Variants in ATL3 observed in about 807,000 individuals in gnomAD.
ATL3 encodes atlastin GTPase 3, also known as atlastin-3.
Under a neutral mutation model 69.5 loss-of-function variants are expected in ATL3, and 49 were observed. The ratio of observed to expected loss-of-function variants is 0.71; its 90% CI spans 0.56 to 0.89. The LOEUF (loss-of-function observed/expected upper bound fraction) is 0.89. ATL3 is among the 40% of genes least tolerant of loss of function. ATL3 has a pLI of 0.00. For missense variants in ATL3, 606 were observed against 645.7 expected (o/e 0.94, Z 0.67); for synonymous variants, 214 against 224.1 (o/e 0.95, Z 0.40).
chr11:63,628,138 T>C lies in ATL3; in HGVS notation c.*1181A>G, dbSNP rs1939179826. On this transcript the variant is annotated 3_prime_UTR_variant, in exon 13 of 13. Coordinates refer to ENST00000398868, the MANE Select transcript of ATL3 (RefSeq NM_015459.5). ...TTACAAGAGTTGTGTAAAACATACA[T>C]ACATATGTAAACCTACAGTGAACCT... The C allele has an allele frequency of 6.6e-6, 1 of 152,148 alleles. No homozygotes were observed. Among genetic ancestry groups the C allele is most frequent in the South Asian group, 2.1e-4 (1 of 4,824 alleles). 9.4% of individuals were successfully genotyped at this position (152,148 alleles called of 1,614,324 possible).
chr11:63,671,654 G>C (rs1047122084), upstream of ATL3: 147 of 1,398,456 alleles, frequency 1.1e-4, no homozygotes, highest in Admixed American at 1.8e-4. Flanking sequence ...GGGGCGCTGA[G>C]TGCTACCGTC....
intron 5 of ATL3, among the ~76,000 whole-genome samples, chr11:63,647,140 C>A (rs1026388643): frequency 6.6e-6 from 1 of 152,154 alleles, no homozygotes; most frequent in Admixed American, 6.5e-5. Context: ...CTTCCATGGC[C>A]ATCTACCGAA....
At chr11:63,671,791 G>A, upstream of ATL3, 1 of 1,145,348 alleles carries the variant, frequency 8.7e-7, no homozygotes, top group Non-Finnish European at 1.1e-6. Context: ...GGCTGTGCGG[G>A]AAGGGGCGGG....
intron 12 of ATL3, among the ~76,000 whole-genome samples, chr11:63,630,771 G>A (rs1342513909): frequency 6.8e-6 from 1 of 147,634 alleles, no homozygotes; most frequent in Non-Finnish European, 1.5e-5. Context: ...ACTCCAGCCT[G>A]GGCAAGAGAG....
At chr11:63,652,900 A>C (rs1020323498) in intron 3 of ATL3, among the ~76,000 whole-genome samples, 2 of 152,208 alleles carry the variant, frequency 1.3e-5, no homozygotes, top group African/African-American at 4.8e-5. Context: ...AAACTAAAAA[A>C]TATTCATCTT....
At chr11:63,669,539 GAAGAAAAAAA>G (rs765131850) in intron 1 of ATL3, among the ~76,000 whole-genome samples, 1 of 150,662 alleles carries the variant, frequency 6.6e-6, no homozygotes, top group Non-Finnish European at 1.5e-5. Flanking sequence ...CTTCTCACCA[GAAGAAAAAAA>G]AAGAAAAGAA....
At chr11:63,649,630 C>G (rs1940006543) in intron 5 of ATL3, among the ~76,000 whole-genome samples, 1 of 151,560 alleles carries the variant, frequency 6.6e-6, no homozygotes, top group African/African-American at 2.4e-5. Flanking sequence ...CTCCCAGGTT[C>G]AAGTGATTCT....
At position 63,671,291 on chromosome 11, in the gene ATL3, T is replaced by C; in HGVS notation, c.45A>G (p.Ala15=). ...ATCCAGGGAAAATCGGCGCCTCACC[T>C]GCTCCTCTTGAGGCAGCTGCTGCCA... The part of the protein sequence containing the change: ...QRVAAAASRG[A]DDAMESSKPG... Residue 15 remains alanine, a splice_region_variant and synonymous_variant, in exon 1 of 13, where the codon GCA becomes GCG. Transcript: ENST00000398868. 6.3e-7 allele frequency: 1 copy of C among 1,584,798 alleles called. No individual in the cohort carries two copies. Among genetic ancestry groups the C allele is most frequent in the Non-Finnish European group, 8.6e-7 (1 of 1,167,540 alleles).
In ATL3 at chr11:63,658,700, A is replaced by C. The variant is rs557826054; in HGVS notation, c.405+61T>G. ...GTTTTTAATTGGGTTAACACAGTACATGCTGAAGTTCATATTTTGTTGTTG... is the reference window on the plus strand; with the variant it reads ...GTTTTTAATTGGGTTAACACAGTACCTGCTGAAGTTCATATTTTGTTGTTG... On this transcript the variant is annotated intron_variant, in intron 3 of 12. Transcript: ENST00000398868. 68 of 1,530,144 alleles carry C rather than the reference A, an allele frequency of 4.4e-5. 2 individuals carry two copies. In the South Asian group the frequency reaches 8.4e-4, roughly 19 times the overall value. The allele number at this position is 1,530,144 out of a possible 1,614,324, so 94.8% of individuals were successfully genotyped here.
intron 1 of ATL3, among the ~76,000 whole-genome samples, chr11:63,665,898 T>A (rs990663115): frequency 1.3e-5 from 2 of 151,828 alleles, no homozygotes; most frequent in African/African-American, 4.8e-5. Context: ...TCACTGACAG[T>A]GATCCTTGGG....
Position 63,632,388 on chromosome 11 carries a change from T to TA in ATL3, c.1107+637dup. 2.2e-6 allele frequency: 2 copies of TA among 890,254 alleles called. 1 individual carries two copies. The highest frequency in any genetic ancestry group is 3.9e-6 in the Non-Finnish European group (2 of 518,760). 55.1% of individuals were successfully genotyped at this position (890,254 alleles called of 1,614,324 possible). On this transcript the variant is annotated intron_variant, in intron 11 of 12. Coordinates refer to ENST00000398868, the MANE Select transcript of ATL3 (RefSeq NM_015459.5). ...CAGATACTGTCTTTGCACAAAATCT[T>TA]AGTCGACATTTTGATAGTATCCAAA...
chr11:63,669,762 C>A (rs967132608), intron 1 of ATL3, among the ~76,000 whole-genome samples: 1 of 152,016 alleles, frequency 6.6e-6, no homozygotes, highest in African/African-American at 2.4e-5. Flanking sequence ...GCCTGGCCAA[C>A]GTGGTGAAAC....
upstream of ATL3, chr11:63,671,726 C>G: frequency 4.0e-6 from 5 of 1,249,922 alleles, no homozygotes; most frequent in Non-Finnish European, 5.1e-6. Flanking sequence ...ACTGCGCACT[C>G]ATCTGGGGCG....
At chr11:63,643,329 C>T (rs2134487925) in intron 8 of ATL3, 28 bp downstream of exon 8, 1 of 1,549,344 alleles carries the variant, frequency 6.5e-7, no homozygotes, top group Non-Finnish European at 8.7e-7. Flanking sequence ...GATCGAATCA[C>T]AGGTTTAAAA....
At chr11:63,632,336 C>T in intron 11 of ATL3, 2 of 850,460 alleles carry the variant, frequency 2.4e-6, no homozygotes, top group Non-Finnish European at 2.1e-6. Context: ...TGTTCTGGAC[C>T]ATCAATGGAG....
In ATL3 at chr11:63,652,584, A is replaced by C. The variant is rs912779058; in HGVS notation, c.406-9T>G. ...ATCAGAACAACTGCAACCTAAAAAA[A>C]AGGAAAATACAAACAAAAGAGATTA... On this transcript the variant is annotated splice_polypyrimidine_tract_variant and intron_variant, in intron 3 of 12. Transcript: ENST00000398868. 2 of 1,591,762 alleles carry C rather than the reference A, an allele frequency of 1.3e-6. No homozygotes were observed. Among genetic ancestry groups the C allele is most frequent in the African/African-American group, 1.4e-5 (1 of 74,006 alleles).
intron 1 of ATL3, 99 bp downstream of exon 1, chr11:63,671,191 A>G (rs1330019593): frequency 2.8e-6 from 4 of 1,452,970 alleles, no homozygotes; most frequent in African/African-American, 1.5e-5. Flanking sequence ...CCCCGGGACG[A>G]GGAAGGGCGG....
chr11:63,645,407 A>T (rs1279626254), intron 6 of ATL3, among the ~76,000 whole-genome samples: 1 of 152,090 alleles, frequency 6.6e-6, no homozygotes. Flanking sequence ...CTCAAAAAAA[A>T]AAAATAAATT....
intron 6 of ATL3, 150 bp downstream of exon 6, chr11:63,646,357 T>A: frequency 1.9e-6 from 1 of 519,982 alleles, no homozygotes; most frequent in Admixed American, 3.5e-5. Flanking sequence ...TGCTCATTTT[T>A]TTCAACCATT....
Sources: allele counts gnomAD v4.1 joint callset (sites outside exome capture counted in the v4.1 genomes callset), GRCh38; gene constraint gnomAD v4.1.1; transcripts MANE v1.5; gene names NCBI Gene and HGNC (gene_info 2026-07-23, HGNC 2026-07-21).